The following FAM222A variants were observed in gnomAD, a reference collection of about 807,000 sequenced individuals.
The protein encoded by FAM222A is protein FAM222A.
In FAM222A, 7 loss-of-function variants were observed where a neutral mutation model predicts 25.8. The observed-to-expected ratio is 0.27, with a 90% confidence interval of 0.15 to 0.51. FAM222A has a LOEUF of 0.51. FAM222A is among the 20% of genes least tolerant of loss of function. The probability of loss-of-function intolerance (pLI) is 0.97; values close to 1 mark genes in which losing one functional copy is unlikely to be tolerated. For synonymous variants in FAM222A, 294 were observed against 298.8 expected (o/e 0.98, Z 0.17); for missense variants, 573 against 640.5 (o/e 0.89, Z 1.14).
intron 2 of FAM222A, among the ~76,000 whole-genome samples, chr12:109,752,389 A>G (rs1296223340): frequency 1.3e-5 from 2 of 152,246 alleles, no homozygotes. Flanking sequence ...GCTGCTGCCA[A>G]TCAGTGCCTG....
chr12:109,738,276 A>G (rs1254341715), intron 1 of FAM222A, among the ~76,000 whole-genome samples: 1 of 152,102 alleles, frequency 6.6e-6, no homozygotes, highest in East Asian at 1.9e-4. Flanking sequence ...GAGGCTTTCT[A>G]CTTGCTCAGC....
intron 2 of FAM222A, among the ~76,000 whole-genome samples, chr12:109,751,772 C>T (rs1024961947): frequency 5.9e-5 from 9 of 152,336 alleles, no homozygotes; most frequent in East Asian, 1.9e-4. Context: ...GTACTCAGGG[C>T]GTGCCCCTCA....
chr12:109,731,368 C>T (rs1887944275), intron 1 of FAM222A, among the ~76,000 whole-genome samples: 1 of 152,104 alleles, frequency 6.6e-6, no homozygotes, highest in Non-Finnish European at 1.5e-5. Flanking sequence ...TCCGGCCCTC[C>T]CACAGCACAG....
At chr12:109,729,441 C>T (rs1445661003) in intron 1 of FAM222A, among the ~76,000 whole-genome samples, 1 of 152,188 alleles carries the variant, frequency 6.6e-6, no homozygotes, top group East Asian at 1.9e-4. Flanking sequence ...CTGAGCCCCT[C>T]AAGACACCCC....
intron 2 of FAM222A, among the ~76,000 whole-genome samples, chr12:109,747,450 C>T (rs1346277100): frequency 6.6e-6 from 1 of 152,184 alleles, no homozygotes; most frequent in African/African-American, 2.4e-5. Flanking sequence ...TCCCCCTCTA[C>T]CCAAATTTCC....
intron 2 of FAM222A, among the ~76,000 whole-genome samples, chr12:109,764,631 A>AT (rs560899047): frequency 1.3e-5 from 2 of 151,656 alleles, no homozygotes; most frequent in African/African-American, 4.9e-5. Context: ...TACAGATATA[A>AT]TTTTTTTTTC....
chr12:109,758,901 G>A (rs560446390), intron 2 of FAM222A, among the ~76,000 whole-genome samples: 2 of 152,326 alleles, frequency 1.3e-5, no homozygotes, highest in Middle Eastern at 3.4e-3. Context: ...CCCTAACAAA[G>A]GAGGCAGTAG....
At chr12:109,727,900 C>T (rs531894403) in intron 1 of FAM222A, among the ~76,000 whole-genome samples, 20 of 152,274 alleles carry the variant, frequency 1.3e-4, no homozygotes, top group African/African-American at 3.6e-4. Flanking sequence ...TTCTGTCCCT[C>T]AATCGTGGCG....
intron 2 of FAM222A, among the ~76,000 whole-genome samples, chr12:109,753,415 C>T (rs1888615537): frequency 6.6e-6 from 1 of 152,152 alleles, no homozygotes. Flanking sequence ...AGAGAGTGCC[C>T]TGATGGGGGT....
chr12:109,764,678 A>G (rs370693597), intron 2 of FAM222A, among the ~76,000 whole-genome samples: 1 of 152,168 alleles, frequency 6.6e-6, no homozygotes, highest in Non-Finnish European at 1.5e-5. Flanking sequence ...GTAGGTTACC[A>G]CAGTTAATTT....
chr12:109,762,359 G>A (rs1040712914), intron 2 of FAM222A, among the ~76,000 whole-genome samples: 1 of 152,196 alleles, frequency 6.6e-6, no homozygotes, highest in Non-Finnish European at 1.5e-5. Context: ...GAACGCAGTG[G>A]CCAGGTTCCA....
At chr12:109,748,384 T>TA (rs1222671762) in intron 2 of FAM222A, among the ~76,000 whole-genome samples, 1 of 149,752 alleles carries the variant, frequency 6.7e-6, no homozygotes, top group Non-Finnish European at 1.5e-5. Flanking sequence ...TTTGCTATGT[T>TA]ACACTGACAT....
chr12:109,717,586 C>T (rs945956361), intron 1 of FAM222A, among the ~76,000 whole-genome samples: 2 of 152,110 alleles, frequency 1.3e-5, no homozygotes, highest in African/African-American at 4.8e-5. Flanking sequence ...TGTGGGCCCT[C>T]GTGCCTGATG....
chr12:109,755,916 C>T (rs1888713817), intron 2 of FAM222A, among the ~76,000 whole-genome samples: 1 of 152,222 alleles, frequency 6.6e-6, no homozygotes, highest in Admixed American at 6.5e-5. Context: ...AATCCTCCAA[C>T]TTTGTCCTCT....
intron 1 of FAM222A, among the ~76,000 whole-genome samples, chr12:109,729,886 A>G (rs1887912371): frequency 6.6e-6 from 1 of 152,262 alleles, no homozygotes; most frequent in Admixed American, 6.5e-5. Flanking sequence ...TCTGTGAGGC[A>G]GATATATTAT....
At chr12:109,735,355 C>T (rs1008889195) in intron 1 of FAM222A, among the ~76,000 whole-genome samples, 5 of 152,220 alleles carry the variant, frequency 3.3e-5, no homozygotes, top group Non-Finnish European at 5.9e-5. Flanking sequence ...GTGGGTACAA[C>T]GCCAATCATG....
intron 1 of FAM222A, among the ~76,000 whole-genome samples, chr12:109,718,130 A>G (rs975043074): frequency 1.3e-5 from 2 of 152,370 alleles, no homozygotes; most frequent in East Asian, 1.9e-4. Context: ...AGCACACAGT[A>G]TACAGTAAGC....
At chr12:109,745,042 T>G (rs1888358569) in intron 2 of FAM222A, among the ~76,000 whole-genome samples, 1 of 152,174 alleles carries the variant, frequency 6.6e-6, no homozygotes, top group African/African-American at 2.4e-5. Flanking sequence ...TTTAAATATT[T>G]ATCTTTAGAC....
chr12:109,749,953 T>C (rs553090890), intron 2 of FAM222A, among the ~76,000 whole-genome samples: 43 of 152,344 alleles, frequency 2.8e-4, no homozygotes, highest in Non-Finnish European at 1.8e-4. Context: ...TTTGTTTAGA[T>C]GTGACTCATA....
Sources: allele counts gnomAD v4.1 joint callset (sites outside exome capture counted in the v4.1 genomes callset), GRCh38; gene constraint gnomAD v4.1.1; transcripts MANE v1.5; gene names NCBI Gene and HGNC (gene_info 2026-07-23, HGNC 2026-07-21).